The following CEP70 variants were observed in gnomAD, a reference collection of about 807,000 sequenced individuals.
CEP70 encodes centrosomal protein 70.
A neutral mutation model predicts 90.9 loss-of-function variants in CEP70; 70 were observed. The ratio of observed to expected loss-of-function variants is 0.77; its 90% confidence interval spans 0.64 to 0.94. The LOEUF (loss-of-function observed/expected upper bound fraction) is 0.94. Among genes scored for constraint, CEP70 ranks in the 40% least tolerant of loss-of-function variants. The pLI is 0.00. For missense variants in CEP70, 648 were observed against 669.0 expected, an observed-to-expected ratio of 0.97 and a Z score of 0.35; for synonymous variants, 220 against 228.3, an observed-to-expected ratio of 0.96 and a Z score of 0.33.
chr3:138,567,135 C>T (rs2040848170), intron 6 of CEP70, among the ~76,000 whole-genome samples: 1 of 152,110 alleles, frequency 6.6e-6, no homozygotes, highest in East Asian at 1.9e-4. Flanking sequence ...ATTAATAGCC[C>T]ATGCCAACTG....
chr3:138,523,455 T>A (rs889434195), intron 11 of CEP70, among the ~76,000 whole-genome samples: 9 of 152,146 alleles, frequency 5.9e-5, no homozygotes, highest in African/African-American at 1.9e-4. Flanking sequence ...GCAGATGACA[T>A]GATTGTATAT....
chr3:138,542,946 T>C (rs945477972), intron 6 of CEP70, among the ~76,000 whole-genome samples: 1 of 152,164 alleles, frequency 6.6e-6, no homozygotes, highest in Non-Finnish European at 1.5e-5. Flanking sequence ...GATGAGTCCC[T>C]GAGTCTAGCT....
intron 10 of CEP70, among the ~76,000 whole-genome samples, chr3:138,527,270 A>ATCT (rs36123263): frequency 0.54 from 82,001 of 150,602 alleles, 23,819 homozygotes; most frequent in African/African-American, 0.76. Context: ...GGCTCAAGTG[A>ATCT]TCTCACCTCA....
Position 138,533,331 on chromosome 3 carries a change from AATAATGT to A in CEP70, c.636-768_636-762del, listed in dbSNP as rs1164612332. Among the ~76,000 whole-genome samples, 18 of 152,240 alleles carry A rather than the reference AATAATGT, an allele frequency of 1.2e-4. 1 individual carries two copies. Among genetic ancestry groups the A allele is most frequent in the Admixed American group, 4.6e-4 (7 of 15,278 alleles). On this transcript the variant is annotated intron_variant, in intron 7 of 17. Transcript: ENST00000264982. ...AAGAAAATAATGGAGAAGTAGAAAA[AATAATGT>A]AACTTTGTATGTCCTTAACAAGGAA...
intron 3 of CEP70, among the ~76,000 whole-genome samples, chr3:138,571,848 G>A (rs939119477): frequency 3.9e-5 from 6 of 151,986 alleles, no homozygotes; most frequent in African/African-American, 1.2e-4. Context: ...GTACGATCTC[G>A]GCTCACTGCA....
chr3:138,502,803 T>C (rs2034634903), intron 13 of CEP70, among the ~76,000 whole-genome samples: 1 of 152,144 alleles, frequency 6.6e-6, no homozygotes, highest in Non-Finnish European at 1.5e-5. Context: ...ATTGCCCAGT[T>C]GTGGAGATGT....
intron 6 of CEP70, among the ~76,000 whole-genome samples, chr3:138,545,394 C>T (rs1368558022): frequency 6.6e-6 from 1 of 152,196 alleles, no homozygotes; most frequent in Admixed American, 6.5e-5. Context: ...TTTCTTATGC[C>T]TGTCTTTACT....
intron 11 of CEP70, among the ~76,000 whole-genome samples, chr3:138,517,982 C>T (rs1428486426): frequency 6.6e-6 from 1 of 152,180 alleles, no homozygotes; most frequent in African/African-American, 2.4e-5. Flanking sequence ...TCACTCCCAC[C>T]CTAACACTGC....
intron 7 of CEP70, 87 bp from the exon 8 acceptor site, chr3:138,532,657 T>C: frequency 3.4e-6 from 4 of 1,178,254 alleles, no homozygotes; most frequent in Non-Finnish European, 4.5e-6. Context: ...CAAATTACAG[T>C]GTAAAAGTAA....
At position 138,500,801 on chromosome 3, in the gene CEP70, A is replaced by T. The variant is rs897909110; in HGVS notation, c.1302T>A (p.Gly434=). ...LNLKKQDENE[G]IKVEDLLFIV... ...TAAACAACAAATCTTCAACTTTGAT[A>T]CCTTCATTTTCATCCTGCTTCTTCA... Residue 434 remains glycine, a synonymous_variant, in exon 14 of 18, where the codon GGT becomes GGA. Coordinates refer to ENST00000264982, the MANE Select transcript of CEP70 (RefSeq NM_024491.4). 1 of 1,605,444 alleles carries T rather than the reference A, an allele frequency of 6.2e-7. No individual in the cohort carries two copies. The highest frequency in any genetic ancestry group is 1.3e-5 in the African/African-American group (1 of 74,686).
chr3:138,535,961 T>C (rs2038231182), intron 7 of CEP70, among the ~76,000 whole-genome samples: 1 of 152,138 alleles, frequency 6.6e-6, no homozygotes, highest in African/African-American at 2.4e-5. Flanking sequence ...TTCAAGAGGA[T>C]GAAAATTATA....
At chr3:138,509,799 C>A (rs1462967064) in intron 11 of CEP70, among the ~76,000 whole-genome samples, 1 of 152,092 alleles carries the variant, frequency 6.6e-6, no homozygotes, top group African/African-American at 2.4e-5. Flanking sequence ...CTTATCCATG[C>A]TGTAACTGTA....
chr3:138,517,002 C>G (rs1474237676), intron 11 of CEP70, among the ~76,000 whole-genome samples: 1 of 152,172 alleles, frequency 6.6e-6, no homozygotes, highest in African/African-American at 2.4e-5. Context: ...AGGAAGGGTA[C>G]AAGCAGTAGA....
intron 16 of CEP70, 59 bp downstream of exon 16, chr3:138,500,051 C>A (rs760021342): frequency 9.8e-5 from 109 of 1,115,400 alleles, no homozygotes; most frequent in African/African-American, 3.1e-5. Context: ...GGACTACAGG[C>A]GTGTGCCACC....
chr3:138,507,722 AC>A (rs1229391297), intron 12 of CEP70, among the ~76,000 whole-genome samples: 1 of 152,204 alleles, frequency 6.6e-6, no homozygotes, highest in Non-Finnish European at 1.5e-5. Context: ...ATGAATAGGG[AC>A]TGCTAACTAT....
At chr3:138,513,337 TTACTTGGAGCTTAGACTGA>T (rs1373937637) in intron 11 of CEP70, among the ~76,000 whole-genome samples, 1 of 152,186 alleles carries the variant, frequency 6.6e-6, no homozygotes, top group Admixed American at 6.5e-5. Flanking sequence ...AGGGGCCTCT[TTACTTGGAGCTTAGACTGA>T]GGCATGTGTC....
intron 6 of CEP70, among the ~76,000 whole-genome samples, chr3:138,539,773 C>A (rs1251576546): frequency 6.6e-6 from 1 of 152,100 alleles, no homozygotes; most frequent in African/African-American, 2.4e-5. Flanking sequence ...AGAAAAGTAT[C>A]CAAATTTACA....
chr3:138,508,595 G>T, intron 11 of CEP70, 51 bp from the exon 12 acceptor site: 1 of 1,121,712 alleles, frequency 8.9e-7, no homozygotes, highest in Non-Finnish European at 1.4e-6. Flanking sequence ...CCTAGACACT[G>T]GACCAAGATG....
chr3:138,503,273 G>C (rs1297467115), intron 13 of CEP70, among the ~76,000 whole-genome samples: 1 of 152,024 alleles, frequency 6.6e-6, no homozygotes, highest in East Asian at 1.9e-4. Flanking sequence ...CATATAAGTG[G>C]AATCTTCTTG....
Sources: gnomAD v4.1 joint callset for allele counts (sites outside exome capture counted in the v4.1 genomes callset) on GRCh38, gnomAD v4.1.1 for gene constraint, MANE v1.5 for transcripts, NCBI Gene and HGNC (gene_info 2026-07-23, HGNC 2026-07-21) for gene names.